GABPB1: variants seen among roughly 807,000 people sequenced by gnomAD.
GABPB1 encodes the protein GA-binding protein subunit beta-1.
GABPB1 carries 15 observed loss-of-function variants against 45.9 expected under a neutral mutation model. The observed-to-expected ratio is 0.33, with a 90% CI of 0.22 to 0.50. The LOEUF (loss-of-function observed/expected upper bound fraction) is 0.50, where lower values mean the gene tolerates loss of function less well. GABPB1 is among the 20% of genes least tolerant of loss of function. The pLI, the probability that GABPB1 is intolerant of heterozygous loss-of-function variation, is 0.98. For synonymous variants in GABPB1, 143 were observed against 154.4 expected (o/e 0.93, Z 0.55); for missense variants, 252 against 457.5 (o/e 0.55, Z 4.10).
chr15:50,286,503 G>A (rs928253339), intron 7 of GABPB1, among the ~76,000 whole-genome samples: 2 of 151,912 alleles, frequency 1.3e-5, no homozygotes, highest in African/African-American at 4.8e-5. Flanking sequence ...CCTGCTAACA[G>A]ATGATCATTT....
At chr15:50,321,594 C>T (rs1405735913) in intron 1 of GABPB1, among the ~76,000 whole-genome samples, 1 of 151,394 alleles carries the variant, frequency 6.6e-6, no homozygotes, top group East Asian at 1.9e-4. Flanking sequence ...CCCAGCTACT[C>T]AGGAGGCTGA....
intron 1 of GABPB1, among the ~76,000 whole-genome samples, chr15:50,311,823 G>A (rs931876423): frequency 6.6e-6 from 1 of 152,032 alleles, no homozygotes; most frequent in Non-Finnish European, 1.5e-5. Context: ...AATCTAAAAG[G>A]GGTAATTATA....
intron 8 of GABPB1, chr15:50,282,189 G>T: frequency 2.4e-6 from 1 of 422,880 alleles, no homozygotes; most frequent in Non-Finnish European, 4.7e-6. Flanking sequence ...AACACAGTGA[G>T]ACCCTGTCTC....
At chr15:50,301,790 C>A (rs2046759553) in intron 4 of GABPB1, among the ~76,000 whole-genome samples, 2 of 152,000 alleles carry the variant, frequency 1.3e-5, no homozygotes, top group Admixed American at 1.3e-4. Flanking sequence ...ACAAAACAAA[C>A]AAAAAATATT....
rs2046611187 is a variant in GABPB1 at position 50,298,684 on chromosome 15, G to A, written c.697+2105C>T. ...TTTTCAAAAAGAGGCTGGGCACAGT[G>A]GCTCATGCCTGTAATCCTAGCACCT... is the stretch of plus-strand genomic sequence containing the variant. On this transcript the variant is annotated intron_variant, in intron 6 of 8. Transcript: ENST00000380877. 2.0e-5 allele frequency among the ~76,000 whole-genome samples: 3 copies of A among 152,180 alleles called. 1 individual carries two copies. The South Asian group carries it at 6.2e-4, about 32-fold the overall frequency.
rs1337531514 is a variant in GABPB1 at position 50,277,544 on chromosome 15, A to C, written c.*1088T>G. On this transcript the variant is annotated 3_prime_UTR_variant, in exon 9 of 9. Coordinates refer to ENST00000380877, the MANE Select transcript of GABPB1 (RefSeq NM_016654.5). ...GTCATAGCACAGACACTGAGCTTTC[A>C]AAAGGAAAAGTAGAAGTTACATTAG... is the stretch of plus-strand genomic sequence containing the variant. 2 of 152,272 alleles carry C rather than the reference A, an allele frequency of 1.3e-5. No homozygotes were observed. The highest frequency in any genetic ancestry group is 2.9e-5 in the Non-Finnish European group (2 of 68,030). 9.4% of individuals were successfully genotyped at this position (152,272 alleles called of 1,614,324 possible).
At position 50,278,802 on chromosome 15, in the gene GABPB1, GTTT is replaced by G. The variant is rs11372405; in HGVS notation, c.1000-21_1000-19del. On this transcript the variant is annotated intron_variant, in intron 8 of 8. Transcript: ENST00000380877. Reference sequence around the variant, plus strand: ...TCTCTCTCCTAATTAAAAGAAGAGGGTTTTTTTTTTAATTTTTGCAAAAATACA... The same window carrying G: ...TCTCTCTCCTAATTAAAAGAAGAGGGTTTTTTTAATTTTTGCAAAAATACA... 19 of 1,364,828 alleles carry G rather than the reference GTTT, an allele frequency of 1.4e-5. No individual in the cohort carries two copies. The highest frequency in any genetic ancestry group is 1.8e-5 in the Non-Finnish European group (18 of 1,011,954). The allele number at this position is 1,364,828 out of a possible 1,614,324, so 84.5% of individuals were successfully genotyped here. A position where few individuals can be genotyped will look rare whatever the true frequency, so the allele number is the denominator to read the frequency against.
At chr15:50,333,511 A>T (rs914217653) in intron 1 of GABPB1, among the ~76,000 whole-genome samples, 6 of 152,198 alleles carry the variant, frequency 3.9e-5, no homozygotes, top group African/African-American at 1.4e-4. Flanking sequence ...AGAAAAAAAT[A>T]AATAACATTC....
chr15:50,279,167 T>C (rs1391026623), intron 8 of GABPB1, among the ~76,000 whole-genome samples: 1 of 152,184 alleles, frequency 6.6e-6, no homozygotes, highest in East Asian at 1.9e-4. Context: ...CAAAAGGTAA[T>C]AATTATAAAA....
At chr15:50,289,767 C>CTTTTATT in intron 6 of GABPB1, 99 bp from the exon 7 acceptor site, 4 of 701,830 alleles carry the variant, frequency 5.7e-6, no homozygotes, top group Non-Finnish European at 8.7e-6. Context: ...ATGCTTCTTT[C>CTTTTATT]TTTTCTTTTT....
At chr15:50,306,935 T>A (rs1377793965) in intron 2 of GABPB1, among the ~76,000 whole-genome samples, 2 of 152,096 alleles carry the variant, frequency 1.3e-5, no homozygotes, top group Non-Finnish European at 2.9e-5. Context: ...ATTGAATGAG[T>A]AAACCACAAT....
At chr15:50,316,995 T>A (rs975118278) in intron 1 of GABPB1, among the ~76,000 whole-genome samples, 2 of 151,950 alleles carry the variant, frequency 1.3e-5, no homozygotes, top group Admixed American at 1.3e-4. Flanking sequence ...AAGATAAAAA[T>A]ATTTTTAAAA....
Position 50,285,988 on chromosome 15 carries a change from G to A in GABPB1, c.999+80C>T, listed in dbSNP as rs1332337658. On this transcript the variant is annotated intron_variant, in intron 8 of 8. Coordinates refer to ENST00000380877, the MANE Select transcript of GABPB1 (RefSeq NM_016654.5). ...ATTCTGTATCAAAACAATACTGTCA[G>A]TAATAAATATAAAAGACAAAAAAAA... 3.8e-6 allele frequency: 6 copies of A among 1,561,698 alleles called. No individual in the cohort carries two copies. The South Asian group carries it at 4.9e-5, about 13-fold the overall frequency.
At chr15:50,305,501 A>G (rs1223635772) in intron 2 of GABPB1, among the ~76,000 whole-genome samples, 1 of 151,780 alleles carries the variant, frequency 6.6e-6, no homozygotes, top group African/African-American at 2.4e-5. Flanking sequence ...ACAGGCACAC[A>G]CCAACAAACC....
intron 1 of GABPB1, among the ~76,000 whole-genome samples, chr15:50,343,910 G>A (rs894424425): frequency 6.6e-6 from 1 of 152,188 alleles, no homozygotes; most frequent in Non-Finnish European, 1.5e-5. Context: ...TTTATTGGAA[G>A]TCAGAATAAA....
chr15:50,332,862 T>A (rs1317983125), intron 1 of GABPB1, among the ~76,000 whole-genome samples: 1 of 152,140 alleles, frequency 6.6e-6, no homozygotes, highest in Non-Finnish European at 1.5e-5. Context: ...TTTTACTATG[T>A]TTAATGCAAT....
chr15:50,337,075 G>GTGTGTATATATA (rs1283881585), intron 1 of GABPB1, among the ~76,000 whole-genome samples: 5 of 14,202 alleles, frequency 3.5e-4, no homozygotes, highest in Non-Finnish European at 5.4e-4. Context: ...ATATGTGTGT[G>GTGTGTATATATA]TATATATATA....
chr15:50,292,177 G>A (rs1056175871), intron 6 of GABPB1, among the ~76,000 whole-genome samples: 21 of 151,560 alleles, frequency 1.4e-4, no homozygotes, highest in Admixed American at 7.9e-4. Flanking sequence ...AGCCGGGCGC[G>A]GTGGTGGGCG....
chr15:50,333,036 A>T (rs1394926836), intron 1 of GABPB1, among the ~76,000 whole-genome samples: 5 of 152,196 alleles, frequency 3.3e-5, no homozygotes, highest in Non-Finnish European at 7.3e-5. Flanking sequence ...ATAAAAATTA[A>T]GTTTATTGGC....
Sources: allele counts gnomAD v4.1 joint callset (sites outside exome capture counted in the v4.1 genomes callset), GRCh38; gene constraint gnomAD v4.1.1; transcripts MANE v1.5; gene names NCBI Gene and HGNC (gene_info 2026-07-23, HGNC 2026-07-21).